The following QKI variants were observed in gnomAD, a reference collection of about 807,000 sequenced individuals.
The protein encoded by QKI is QKI, KH domain containing RNA binding.
Under a neutral mutation model 39.0 loss-of-function variants are expected in QKI, and 10 were observed. That is an observed-to-expected ratio of 0.26 (90% CI 0.16 to 0.43). The LOEUF is 0.43. Among genes scored for constraint, QKI ranks in the 20% least tolerant of loss-of-function variants. QKI has a pLI of 1.00. For missense variants in QKI, 218 were observed against 428.0 expected (o/e 0.51, Z 4.33); for synonymous variants, 204 against 155.4 (o/e 1.31, Z -2.33).
At chr6:163,520,063 C>A (rs1025771844) in intron 3 of QKI, among the ~76,000 whole-genome samples, 1 of 152,046 alleles carries the variant, frequency 6.6e-6, no homozygotes, top group Non-Finnish European at 1.5e-5. Flanking sequence ...AAGACTGAAG[C>A]AAACAATTTT....
intron 1 of QKI, among the ~76,000 whole-genome samples, chr6:163,451,603 G>A (rs1478982568): frequency 1.3e-5 from 2 of 152,070 alleles, no homozygotes. Flanking sequence ...CTTGATACTG[G>A]GGATATTTAG....
chr6:163,526,468 T>G (rs1022836983), intron 3 of QKI, among the ~76,000 whole-genome samples: 1 of 152,208 alleles, frequency 6.6e-6, no homozygotes, highest in African/African-American at 2.4e-5. Flanking sequence ...TGAGGAAATA[T>G]TTTGTGCTTC....
At chr6:163,486,531 A>G (rs1465689038) in intron 3 of QKI, among the ~76,000 whole-genome samples, 1 of 152,234 alleles carries the variant, frequency 6.6e-6, no homozygotes, top group Non-Finnish European at 1.5e-5. Context: ...TTTCATATAC[A>G]TTACAAATTG....
At chr6:163,427,690 C>CGT (rs1316328937) in intron 1 of QKI, among the ~76,000 whole-genome samples, 2 of 151,378 alleles carry the variant, frequency 1.3e-5, no homozygotes, top group Non-Finnish European at 2.9e-5. Flanking sequence ...TGTGTGCGCG[C>CGT]GTGTGTGTGT....
At chr6:163,511,893 GAT>G (rs1779505106) in intron 3 of QKI, among the ~76,000 whole-genome samples, 1 of 151,798 alleles carries the variant, frequency 6.6e-6, no homozygotes, top group Non-Finnish European at 1.5e-5. Flanking sequence ...ATTCAACAAA[GAT>G]AACAGCAAAA....
At chr6:163,450,749 AG>A (rs989919408) in intron 1 of QKI, among the ~76,000 whole-genome samples, 9 of 152,312 alleles carry the variant, frequency 5.9e-5, no homozygotes, top group Admixed American at 4.6e-4. Context: ...AAAAAAAAAA[AG>A]TAAATTCAAA....
intron 3 of QKI, among the ~76,000 whole-genome samples, chr6:163,488,233 G>T (rs1416203496): frequency 6.6e-6 from 1 of 152,080 alleles, no homozygotes; most frequent in Non-Finnish European, 1.5e-5. Flanking sequence ...TTGCCGTCTA[G>T]TGTAGTGTGA....
In QKI at chr6:163,565,219, T is replaced by G. The variant is rs1358234243; in HGVS notation, c.934+1500T>G. ...ACATGTAACCTGTAACCTTGTTGTT[T>G]AAGTTTTCTTTTCTATTAATACTCT... On this transcript the variant is annotated intron_variant, in intron 6 of 7. Transcript: ENST00000361752. The G allele has an allele frequency of 1.2e-5, 12 of 987,776 alleles. 1 individual carries two copies. The East Asian group carries it at 3.4e-4, about 28-fold the overall frequency. The allele number at this position is 987,776 out of a possible 1,614,324, so 61.2% of individuals were successfully genotyped here. A position where few individuals can be genotyped will look rare whatever the true frequency, so the allele number is the denominator to read the frequency against.
chr6:163,426,549 G>C (rs1788422174), intron 1 of QKI, among the ~76,000 whole-genome samples: 1 of 152,064 alleles, frequency 6.6e-6, no homozygotes, highest in South Asian at 2.1e-4. Flanking sequence ...GAACCAGAAG[G>C]TGCCCCATCG....
chr6:163,490,684 C>G (rs901856259), intron 3 of QKI, among the ~76,000 whole-genome samples: 1 of 152,052 alleles, frequency 6.6e-6, no homozygotes, highest in African/African-American at 2.4e-5. Flanking sequence ...AAATTTATTT[C>G]ATTTTGAAAG....
chr6:163,462,407 T>C (rs927343720), intron 2 of QKI, among the ~76,000 whole-genome samples: 1 of 152,222 alleles, frequency 6.6e-6, no homozygotes, highest in African/African-American at 2.4e-5. Flanking sequence ...AGCCTGTCTA[T>C]CATAAACTTG....
chr6:163,507,004 G>A (rs961651573), intron 3 of QKI, among the ~76,000 whole-genome samples: 2 of 152,128 alleles, frequency 1.3e-5, no homozygotes, highest in Non-Finnish European at 1.5e-5. Flanking sequence ...AGACCAACTT[G>A]ATTCTGCGAT....
chr6:163,523,966 A>T (rs150150205), intron 3 of QKI, among the ~76,000 whole-genome samples: 172 of 152,358 alleles, frequency 1.1e-3, no homozygotes, highest in African/African-American at 4.0e-3. Flanking sequence ...ATGAATTTGG[A>T]TAGAGTAGGG....
intron 3 of QKI, among the ~76,000 whole-genome samples, chr6:163,486,290 G>T (rs546103291): frequency 1.3e-5 from 2 of 152,262 alleles, no homozygotes; most frequent in East Asian, 3.9e-4. Flanking sequence ...GAAATAAATT[G>T]GTAATAGTTT....
At chr6:163,500,074 C>T (rs773546209) in intron 3 of QKI, among the ~76,000 whole-genome samples, 7 of 152,058 alleles carry the variant, frequency 4.6e-5, no homozygotes, top group Non-Finnish European at 1.0e-4. Context: ...CAAAAGCTCT[C>T]AGTTGTGAAT....
At chr6:163,438,761 G>GA (rs2128213843) in intron 1 of QKI, among the ~76,000 whole-genome samples, 1 of 152,158 alleles carries the variant, frequency 6.6e-6, no homozygotes, top group African/African-American at 2.4e-5. Flanking sequence ...GTGAATGTGT[G>GA]AAAGTCCTAG....
intron 2 of QKI, among the ~76,000 whole-genome samples, chr6:163,478,395 C>T (rs1381488790): frequency 6.6e-6 from 1 of 152,174 alleles, no homozygotes; most frequent in Non-Finnish European, 1.5e-5. Context: ...CTAACAATTT[C>T]TTCAACACTG....
At chr6:163,487,337 C>T (rs184134324) in intron 3 of QKI, among the ~76,000 whole-genome samples, 1 of 152,216 alleles carries the variant, frequency 6.6e-6, no homozygotes, top group Non-Finnish European at 1.5e-5. Flanking sequence ...CACCTTTTGC[C>T]TCCCAGATTA....
intron 7 of QKI, chr6:163,569,877 G>A: frequency 2.0e-6 from 2 of 987,100 alleles, no homozygotes; most frequent in Non-Finnish European, 2.4e-6. Context: ...TGTACTTAGA[G>A]CTTTTTGAGT....
Sources: gnomAD v4.1 joint callset for allele counts (sites outside exome capture counted in the v4.1 genomes callset) on GRCh38, gnomAD v4.1.1 for gene constraint, MANE v1.5 for transcripts, NCBI Gene and HGNC (gene_info 2026-07-23, HGNC 2026-07-21) for gene names.